The following CLNK variants were observed in gnomAD, a reference collection of about 807,000 sequenced individuals.
CLNK encodes cytokine dependent hematopoietic cell linker.
In CLNK, 74 loss-of-function variants were observed where a neutral mutation model predicts 68.6. That is an observed-to-expected ratio of 1.08 (90% CI 0.89 to 1.31). CLNK has a LOEUF of 1.31. CLNK is among the 50% of genes most tolerant of loss of function. CLNK has a pLI of 0.00. For synonymous variants in CLNK, 198 were observed against 172.2 expected (o/e 1.15, Z -1.17); for missense variants, 553 against 515.3 (o/e 1.07, Z -0.71).
chr4:10,710,376 GA>G, the CLNK span, among the ~76,000 whole-genome samples: 2 of 152,012 alleles, frequency 1.3e-5, no homozygotes, highest in African/African-American at 2.4e-5. Flanking sequence ...AATATAAAAG[GA>G]AAAAAAGTGG....
At chr4:10,699,512 A>ATATATATATTT in the CLNK span, among the ~76,000 whole-genome samples, 6 of 32,760 alleles carry the variant, frequency 1.8e-4, no homozygotes, top group African/African-American at 6.9e-4. Flanking sequence ...ATATATATAT[A>ATATATATATTT]TTTTTTTTTT....
At chr4:10,695,518 G>A in the CLNK span, among the ~76,000 whole-genome samples, 293 of 152,280 alleles carry the variant, frequency 1.9e-3, 1 homozygote, top group African/African-American at 6.7e-3. Flanking sequence ...TTTCTCTCAA[G>A]CTAAACTCAG....
chr4:10,608,745 T>C (rs545852519), intron 2 of CLNK, among the ~76,000 whole-genome samples: 2 of 152,346 alleles, frequency 1.3e-5, no homozygotes, highest in South Asian at 4.1e-4. Flanking sequence ...TTAGGCCTTG[T>C]CTGAGTCAGT....
chr4:10,530,489 G>C (rs1458212050), intron 12 of CLNK, among the ~76,000 whole-genome samples: 1 of 152,194 alleles, frequency 6.6e-6, no homozygotes. Context: ...CTTGGCAAAA[G>C]ATAAGGAGCA....
At chr4:10,503,706 T>C (rs534654518) in intron 17 of CLNK, among the ~76,000 whole-genome samples, 121 of 150,190 alleles carry the variant, frequency 8.1e-4, no homozygotes, top group Non-Finnish European at 1.0e-3. Flanking sequence ...GATGTTATGA[T>C]GATACTGGTA....
chr4:10,624,640 C>T (rs1435292145), intron 2 of CLNK, among the ~76,000 whole-genome samples: 3 of 139,070 alleles, frequency 2.2e-5, no homozygotes, highest in African/African-American at 5.3e-5. Context: ...ATAGCAAATA[C>T]AGCAGGTGTA....
At chr4:10,667,373 A>ATTTT (rs57765419) in intron 2 of CLNK, among the ~76,000 whole-genome samples, 4,375 of 140,918 alleles carry the variant, frequency 0.031, 124 homozygotes, top group Non-Finnish European at 0.042. Flanking sequence ...AGTCCTGCTA[A>ATTTT]TTTTTTTTTT....
intron 16 of CLNK, among the ~76,000 whole-genome samples, chr4:10,508,842 TCAA>T (rs1334216133): frequency 2.6e-3 from 325 of 126,870 alleles, no homozygotes; most frequent in African/African-American, 8.0e-3. Context: ...GTGTGGTGGC[TCAA>T]TGCCTGTAAT....
intron 18 of CLNK, among the ~76,000 whole-genome samples, chr4:10,498,325 T>TA (rs1046968100): frequency 6.6e-5 from 10 of 151,266 alleles, no homozygotes; most frequent in African/African-American, 1.9e-4. Context: ...CCGTCTCTAC[T>TA]AAAAAAATAC....
the CLNK span, among the ~76,000 whole-genome samples, chr4:10,701,051 C>T: frequency 1.3e-5 from 2 of 151,700 alleles, no homozygotes; most frequent in African/African-American, 4.8e-5. Context: ...TTTGCTTAGT[C>T]AAATATCTCT....
At position 10,489,060 on chromosome 4, in the gene CLNK, T is replaced by C. The variant is rs1206966252; in HGVS notation, c.*1407A>G. 1.3e-5 allele frequency: 2 copies of C among 151,934 alleles called. No homozygotes were observed. The highest frequency in any genetic ancestry group is 2.9e-5 in the Non-Finnish European group (2 of 68,008). The allele number at this position is 151,934 out of a possible 1,614,324, so 9.4% of individuals were successfully genotyped here. On this transcript the variant is annotated 3_prime_UTR_variant, in exon 19 of 19. Transcript: ENST00000226951. Reference sequence around the variant, plus strand: ...TTCAAATTGTTTCTATCTTTCTCTCTCTCTCTCTCTTTTTTTTTAAATTAG... The same window carrying C: ...TTCAAATTGTTTCTATCTTTCTCTCCCTCTCTCTCTTTTTTTTTAAATTAG...
chr4:10,547,318 C>A (rs1218281863), intron 8 of CLNK, among the ~76,000 whole-genome samples: 1 of 152,130 alleles, frequency 6.6e-6, no homozygotes, highest in Non-Finnish European at 1.5e-5. Flanking sequence ...ATTAAGGTAT[C>A]ACTGACATAG....
chr4:10,596,369 G>T (rs1353570286), intron 3 of CLNK, among the ~76,000 whole-genome samples: 1 of 152,218 alleles, frequency 6.6e-6, no homozygotes, highest in African/African-American at 2.4e-5. Context: ...AATGGAAAAA[G>T]AGGCTTGTCT....
At chr4:10,684,958 C>T (rs754229866), upstream of CLNK, 1 of 152,004 alleles carries the variant, frequency 6.6e-6, no homozygotes, top group African/African-American at 2.4e-5. Context: ...TGAAATCTTC[C>T]AATGCAAAGG....
At chr4:10,578,795 C>T (rs1017291693) in intron 4 of CLNK, among the ~76,000 whole-genome samples, 1 of 152,012 alleles carries the variant, frequency 6.6e-6, no homozygotes, top group African/African-American at 2.4e-5. Context: ...TGGTCTTGAA[C>T]TGCTAACTTC....
intron 15 of CLNK, among the ~76,000 whole-genome samples, chr4:10,519,947 A>G (rs1717989808): frequency 6.6e-6 from 1 of 152,176 alleles, no homozygotes; most frequent in Non-Finnish European, 1.5e-5. Context: ...TGATCTTACT[A>G]TAAAGAGAGA....
At chr4:10,717,311 C>T in the CLNK span, among the ~76,000 whole-genome samples, 12 of 152,132 alleles carry the variant, frequency 7.9e-5, no homozygotes, top group Admixed American at 1.3e-4. Flanking sequence ...AGTAAAAAGC[C>T]GTGGCCGGGT....
Position 10,558,444 on chromosome 4 carries a change from T to C in CLNK, c.408A>G (p.Lys136=). Reference sequence around the variant, plus strand: ...GGCTTCTGACGTCCTTGGAAATGGGTTTGTCCACCTGTACAAGACAATGAG... The same window carrying C: ...GGCTTCTGACGTCCTTGGAAATGGGCTTGTCCACCTGTACAAGACAATGAG... The part of the protein sequence containing the change: ...NTQTRLERVD[K]PISKDVRSQN... The change falls in exon 8 of 19, where the codon AAA becomes AAG. Residue 136 remains lysine, a synonymous_variant. Coordinates refer to ENST00000226951, the MANE Select transcript of CLNK (RefSeq NM_052964.4). 1 of 1,613,888 alleles carries C rather than the reference T, an allele frequency of 6.2e-7. No homozygotes were observed. The highest frequency in any genetic ancestry group is 8.5e-7 in the Non-Finnish European group (1 of 1,179,772).
At chr4:10,588,773 A>G (rs1721076191) in intron 3 of CLNK, among the ~76,000 whole-genome samples, 1 of 152,168 alleles carries the variant, frequency 6.6e-6, no homozygotes, top group African/African-American at 2.4e-5. Context: ...CATCTAAAAT[A>G]GTCAAACTCA....
Sources: gnomAD v4.1 joint callset for allele counts (sites outside exome capture counted in the v4.1 genomes callset) on GRCh38, gnomAD v4.1.1 for gene constraint, MANE v1.5 for transcripts, NCBI Gene and HGNC (gene_info 2026-07-23, HGNC 2026-07-21) for gene names.